The following DAB1 variants were observed in gnomAD, a reference collection of about 807,000 sequenced individuals.
DAB1 encodes the protein disabled homolog 1.
A neutral mutation model predicts 64.6 loss-of-function variants in DAB1; 15 were observed. The observed-to-expected ratio is 0.23, with a 90% CI of 0.16 to 0.36. DAB1 has a LOEUF of 0.36. DAB1 is among the 10% of genes least tolerant of loss of function. DAB1 has a pLI of 1.00. For synonymous variants in DAB1, 235 were observed against 251.9 expected, an observed-to-expected ratio of 0.93 and a Z score of 0.64; for missense variants, 596 against 706.7, an observed-to-expected ratio of 0.84 and a Z score of 1.78.
At chr1:57,754,023 G>A (rs1648676884) in intron 6 of DAB1, among the ~76,000 whole-genome samples, 1 of 152,170 alleles carries the variant, frequency 6.6e-6, no homozygotes, top group Non-Finnish European at 1.5e-5. Context: ...GAACTAACTT[G>A]CCGTGGGTCA....
intron 4 of DAB1, among the ~76,000 whole-genome samples, chr1:58,223,679 G>T (rs1284972008): frequency 6.6e-6 from 1 of 152,166 alleles, no homozygotes; most frequent in Non-Finnish European, 1.5e-5. Context: ...GGGGATCGGG[G>T]AGGCAGAACT....
At chr1:57,511,344 T>C (rs1354884044) in intron 7 of DAB1, among the ~76,000 whole-genome samples, 1 of 152,214 alleles carries the variant, frequency 6.6e-6, no homozygotes, top group Admixed American at 6.5e-5. Context: ...AACCACATGA[T>C]CTTCTTGCTG....
At chr1:57,790,384 C>T (rs1414515936) in intron 6 of DAB1, among the ~76,000 whole-genome samples, 1 of 152,152 alleles carries the variant, frequency 6.6e-6, no homozygotes, top group Non-Finnish European at 1.5e-5. Flanking sequence ...CCCCTTGCAC[C>T]ATGACTGTAA....
chr1:57,256,449 A>C (rs1041636701), intron 2 of DAB1, among the ~76,000 whole-genome samples: 1 of 152,130 alleles, frequency 6.6e-6, no homozygotes, highest in Non-Finnish European at 1.5e-5. Flanking sequence ...CATGTCTTTA[A>C]GCAAGTGGCT....
intron 5 of DAB1, among the ~76,000 whole-genome samples, chr1:58,101,434 G>A (rs1651315743): frequency 1.3e-5 from 2 of 152,342 alleles, no homozygotes; most frequent in Non-Finnish European, 2.9e-5. Context: ...CAAATGAGGT[G>A]AACAGTTCAG....
intron 14 of DAB1, among the ~76,000 whole-genome samples, chr1:57,005,087 C>A (rs963581687): frequency 6.6e-6 from 1 of 152,100 alleles, no homozygotes; most frequent in Non-Finnish European, 1.5e-5. Flanking sequence ...TGATGATAAT[C>A]CCTTAGGGAT....
At chr1:57,861,308 A>C (rs957652621) in intron 1 of DAB1, among the ~76,000 whole-genome samples, 1 of 152,204 alleles carries the variant, frequency 6.6e-6, no homozygotes, top group Non-Finnish European at 1.5e-5. Flanking sequence ...TATTTCTTAC[A>C]GTTCAGGAGG....
At chr1:57,845,828 A>C (rs1461234265) in intron 1 of DAB1, among the ~76,000 whole-genome samples, 2 of 152,216 alleles carry the variant, frequency 1.3e-5, no homozygotes, top group Non-Finnish European at 1.5e-5. Context: ...ACTTTTACCC[A>C]TTGTACTTAG....
At chr1:57,590,726 G>A (rs1645435120) in intron 7 of DAB1, among the ~76,000 whole-genome samples, 1 of 132,308 alleles carries the variant, frequency 7.6e-6, no homozygotes, top group South Asian at 2.7e-4. Flanking sequence ...GGAACACATT[G>A]TAGTCCGTAA....
chr1:58,530,031 C>T (rs1646410137), intron 1 of DAB1, among the ~76,000 whole-genome samples: 1 of 152,122 alleles, frequency 6.6e-6, no homozygotes. Context: ...CAGGCGCCCG[C>T]CACAACGCCA....
chr1:58,202,368 T>A (rs145100468), intron 4 of DAB1, among the ~76,000 whole-genome samples: 2 of 152,214 alleles, frequency 1.3e-5, no homozygotes, highest in Non-Finnish European at 2.9e-5. Flanking sequence ...TTGCACTTCA[T>A]AGACAAAACT....
At chr1:57,205,525 C>T (rs1175849138) in intron 2 of DAB1, among the ~76,000 whole-genome samples, 1 of 152,186 alleles carries the variant, frequency 6.6e-6, no homozygotes, top group Non-Finnish European at 1.5e-5. Context: ...ATGAGATCAG[C>T]AGCTTTACTT....
chr1:57,613,889 C>T (rs1051192394), intron 7 of DAB1, among the ~76,000 whole-genome samples: 1 of 152,164 alleles, frequency 6.6e-6, no homozygotes, highest in African/African-American at 2.4e-5. Context: ...AGTCAAAGTA[C>T]TCCTTTGTTC....
chr1:57,814,884 C>G (rs1282091355), intron 6 of DAB1, among the ~76,000 whole-genome samples: 6 of 152,130 alleles, frequency 3.9e-5, no homozygotes, highest in Admixed American at 3.9e-4. Context: ...AGAGTCTGTT[C>G]TTCTCATACC....
chr1:58,537,451 G>A (rs921552346), intron 1 of DAB1, among the ~76,000 whole-genome samples: 4 of 152,176 alleles, frequency 2.6e-5, no homozygotes, highest in Non-Finnish European at 5.9e-5. Flanking sequence ...CGTGAAAAAG[G>A]AGAGATAACA....
intron 2 of DAB1, among the ~76,000 whole-genome samples, chr1:57,271,219 C>T (rs892523882): frequency 1.3e-5 from 2 of 152,060 alleles, no homozygotes; most frequent in African/African-American, 2.4e-5. Flanking sequence ...ACATAGGGTG[C>T]CGGATGGCTA....
At chr1:57,050,282 C>T (rs948286862) in intron 9 of DAB1, among the ~76,000 whole-genome samples, 1 of 152,144 alleles carries the variant, frequency 6.6e-6, no homozygotes, top group Non-Finnish European at 1.5e-5. Context: ...CCTGCCAAGC[C>T]ACCTGCCACA....
chr1:57,515,306 C>T (rs1006041665), intron 7 of DAB1, among the ~76,000 whole-genome samples: 3 of 152,150 alleles, frequency 2.0e-5, no homozygotes, highest in African/African-American at 4.8e-5. Context: ...AATTATAGTG[C>T]AGTGATGCTG....
At chr1:58,497,254 C>T (rs1171784891) in intron 3 of DAB1, among the ~76,000 whole-genome samples, 1 of 152,064 alleles carries the variant, frequency 6.6e-6, no homozygotes, top group Non-Finnish European at 1.5e-5. Flanking sequence ...GGGTACTGTC[C>T]TAAAGTCAAA....
Sources: allele counts gnomAD v4.1 joint callset (sites outside exome capture counted in the v4.1 genomes callset), GRCh38; gene constraint gnomAD v4.1.1; transcripts MANE v1.5; gene names NCBI Gene and HGNC (gene_info 2026-07-23, HGNC 2026-07-21).